The following GRID2 variants were observed in gnomAD, a reference collection of about 807,000 sequenced individuals.
GRID2 encodes glutamate ionotropic receptor delta type subunit 2, also known as glutamate receptor ionotropic, delta-2.
GRID2 carries 33 observed loss-of-function variants against 114.8 expected under a neutral mutation model. That is an observed-to-expected ratio of 0.29 (90% CI 0.22 to 0.38). GRID2 has a LOEUF of 0.38. GRID2 is among the 10% of genes least tolerant of loss of function. The pLI is 1.00. For synonymous variants in GRID2, 505 were observed against 449.9 expected, an observed-to-expected ratio of 1.12 and a Z score of -1.55; for missense variants, 1,184 against 1,257.7, an observed-to-expected ratio of 0.94 and a Z score of 0.89.
At chr4:93,631,786 G>T (rs929903291) in intron 14 of GRID2, among the ~76,000 whole-genome samples, 1 of 152,142 alleles carries the variant, frequency 6.6e-6, no homozygotes, top group Non-Finnish European at 1.5e-5. Context: ...CTGAGGAATC[G>T]CCACACTGTC....
intron 2 of GRID2, among the ~76,000 whole-genome samples, chr4:92,848,580 G>C (rs1050796758): frequency 6.6e-6 from 1 of 151,830 alleles, no homozygotes; most frequent in Admixed American, 6.6e-5. Context: ...GCCTTGGAGT[G>C]GCCTTTGATT....
chr4:92,468,350 G>A (rs1173185108), intron 1 of GRID2, among the ~76,000 whole-genome samples: 1 of 151,772 alleles, frequency 6.6e-6, no homozygotes, highest in African/African-American at 2.4e-5. Context: ...GTAGAAAGTG[G>A]CAGAACTGGG....
chr4:92,354,418 T>C (rs903048726), intron 1 of GRID2, among the ~76,000 whole-genome samples: 11 of 152,142 alleles, frequency 7.2e-5, no homozygotes, highest in African/African-American at 2.6e-4. Context: ...TTTGCTGATA[T>C]CACTGAAGTC....
chr4:92,661,064 G>A (rs1048208204), intron 2 of GRID2, among the ~76,000 whole-genome samples: 7 of 150,694 alleles, frequency 4.6e-5, no homozygotes, highest in Admixed American at 1.3e-4. Context: ...TAAAATAACC[G>A]TGGGCAGAGT....
At chr4:93,221,273 A>G (rs1744840151) in intron 6 of GRID2, among the ~76,000 whole-genome samples, 1 of 152,182 alleles carries the variant, frequency 6.6e-6, no homozygotes. Context: ...ACAGAGAAAG[A>G]GAACTAAGAT....
chr4:93,804,282 T>C (rs1734990524), intron 1 of GRID2, among the ~76,000 whole-genome samples: 1 of 152,128 alleles, frequency 6.6e-6, no homozygotes, highest in Admixed American at 6.5e-5. Flanking sequence ...GGAGATCCAT[T>C]CAGGAAAAAT....
chr4:93,494,650 G>A (rs1727351854), intron 12 of GRID2, among the ~76,000 whole-genome samples: 1 of 151,568 alleles, frequency 6.6e-6, no homozygotes, highest in Non-Finnish European at 1.5e-5. Context: ...TATGTCCTAT[G>A]TTTAATATAA....
Position 93,216,878 on chromosome 4 carries a change from T to G in GRID2, c.930T>G (p.Cys310Trp), listed in dbSNP as rs1251407343. 6.2e-7 allele frequency: 1 copy of G among 1,612,892 alleles called. No homozygotes were observed. The highest frequency in any genetic ancestry group is 8.5e-7 in the Non-Finnish European group (1 of 1,179,074). The change falls in exon 6 of 16, where the codon TGT (cysteine) becomes TGG (tryptophan). Residue 310 changes from cysteine to tryptophan, a missense_variant. Around this residue, in one of 3 missense-constraint regions of GRID2, gnomAD observed 455 missense variants for 429.5 expected, o/e 1.06. Coordinates refer to ENST00000282020, the MANE Select transcript of GRID2 (RefSeq NM_001510.4). ...ACCATCGAATATCTTCAACATTGTG[T>G]GATCCAAAGGATCCATTTGCTCAGA... ...RGNHRISSTLCDPKDPFAQNM... is the reference protein window; with the variant it reads ...RGNHRISSTLWDPKDPFAQNM...
At position 92,995,582 on chromosome 4, in the gene GRID2, G is replaced by A. The variant is rs148178917; in HGVS notation, c.245-89413G>A. Among the ~76,000 whole-genome samples the A allele has an allele frequency of 3.2e-4, 49 of 152,178 alleles. No homozygotes were observed. The East Asian group carries it at 9.5e-3, about 29-fold the overall frequency. On this transcript the variant is annotated intron_variant, in intron 2 of 15. Transcript: ENST00000282020. ...AAGGTAGGGCCTTGTATAAGTAAGA[G>A]TTTCACAATACCAAAATTTATATTG...
intron 14 of GRID2, among the ~76,000 whole-genome samples, chr4:93,636,993 G>T (rs1721467467): frequency 6.6e-6 from 1 of 151,958 alleles, no homozygotes; most frequent in Non-Finnish European, 1.5e-5. Flanking sequence ...TAAAATATAT[G>T]TTTTCACAAA....
chr4:92,743,284 C>T (rs778875475), intron 2 of GRID2, among the ~76,000 whole-genome samples: 13 of 152,248 alleles, frequency 8.5e-5, no homozygotes, highest in East Asian at 3.9e-4. Context: ...CTCAACAAAT[C>T]GTCATCATCA....
At chr4:92,682,141 T>C (rs753269817) in intron 2 of GRID2, among the ~76,000 whole-genome samples, 1 of 152,034 alleles carries the variant, frequency 6.6e-6, no homozygotes, top group Non-Finnish European at 1.5e-5. Flanking sequence ...TGAATATAGA[T>C]AGAATCATTT....
intron 1 of GRID2, among the ~76,000 whole-genome samples, chr4:92,477,610 C>A (rs1722381064): frequency 6.6e-6 from 1 of 151,120 alleles, no homozygotes; most frequent in African/African-American, 2.4e-5. Flanking sequence ...TTTGGCTGCT[C>A]CTTAAATGTC....
chr4:93,673,312 A>T (rs975632694), intron 14 of GRID2, among the ~76,000 whole-genome samples: 4 of 152,320 alleles, frequency 2.6e-5, no homozygotes, highest in Admixed American at 6.5e-5. Flanking sequence ...TACTGTAAAC[A>T]TTTTATGTTT....
chr4:92,595,551 T>C (rs1222963539), intron 2 of GRID2, among the ~76,000 whole-genome samples: 1 of 152,026 alleles, frequency 6.6e-6, no homozygotes, highest in Non-Finnish European at 1.5e-5. Flanking sequence ...TACCCATTGC[T>C]CTTGTAAAAG....
At chr4:93,804,771 C>A (rs762890981) in intron 1 of GRID2, among the ~76,000 whole-genome samples, 8 of 152,148 alleles carry the variant, frequency 5.3e-5, no homozygotes, top group Non-Finnish European at 1.0e-4. Context: ...TGCCCTCAAC[C>A]TTTCAAAAGC....
chr4:92,876,268 C>CT (rs556445319), intron 2 of GRID2, among the ~76,000 whole-genome samples: 95 of 145,456 alleles, frequency 6.5e-4, no homozygotes, highest in Admixed American at 1.7e-3. Context: ...ACCCAATTAT[C>CT]TTTTTTTTTT....
At chr4:92,481,981 G>GATAT (rs35103752) in intron 1 of GRID2, among the ~76,000 whole-genome samples, 376 of 46,516 alleles carry the variant, frequency 8.1e-3, no homozygotes, top group Non-Finnish European at 0.01. Context: ...AATAAAATGT[G>GATAT]ATATATATAT....
rs116895015 is a variant in GRID2 at position 92,777,817 on chromosome 4, A to G, written c.244+187531A>G. Among the ~76,000 whole-genome samples the G allele has an allele frequency of 6.8e-4, 104 of 151,990 alleles. 4 individuals are homozygous for G. In the East Asian group the frequency reaches 0.02, roughly 29 times the overall value. ...AGGGGAAAGGCCTTGGGAGAAACCA[A>G]CCCTGCCAACACCTTGACTTTGGAC... On this transcript the variant is annotated intron_variant, in intron 2 of 15. Coordinates refer to ENST00000282020, the MANE Select transcript of GRID2 (RefSeq NM_001510.4).
Sources: allele counts gnomAD v4.1 joint callset (sites outside exome capture counted in the v4.1 genomes callset), GRCh38; gene constraint gnomAD v4.1.1; regional missense constraint gnomAD v4.1.1; transcripts MANE v1.5; gene names NCBI Gene and HGNC (gene_info 2026-07-23, HGNC 2026-07-21).